Variants in JMJD6 observed in about 807,000 individuals in gnomAD.
The protein encoded by JMJD6 is bifunctional arginine demethylase and lysyl-hydroxylase JMJD6.
Under a neutral mutation model 45.8 loss-of-function variants are expected in JMJD6, and 17 were observed. That is an observed-to-expected ratio of 0.37 (90% CI 0.25 to 0.56). The LOEUF (loss-of-function observed/expected upper bound fraction) is 0.56, where lower values mean the gene tolerates loss of function less well. Ranked by LOEUF, JMJD6 falls within the 20% of genes least tolerant of loss-of-function variation. The probability of loss-of-function intolerance (pLI) is 0.79; values close to 1 mark genes in which losing one functional copy is unlikely to be tolerated. For synonymous variants in JMJD6, 221 were observed against 196.3 expected (o/e 1.13, Z -1.05); for missense variants, 470 against 517.5 (o/e 0.91, Z 0.89).
chr17:76,721,202 C>T (rs1274353141), intron 4 of JMJD6: 4 of 296,126 alleles, frequency 1.4e-5, no homozygotes, highest in African/African-American at 8.6e-5. Flanking sequence ...GAAGCCACCA[C>T]CCTTACTGGC....
downstream of JMJD6, chr17:76,714,635 A>C (rs1216574331): frequency 6.6e-6 from 1 of 152,414 alleles, no homozygotes; most frequent in Admixed American, 6.6e-5. Flanking sequence ...CTGGCCTGGC[A>C]GGAATAAACA....
At position 76,723,897 on chromosome 17, in the gene JMJD6, T is replaced by C. The variant is rs771821753; in HGVS notation, c.680A>G (p.Asn227Ser). 1.9e-6 allele frequency: 3 copies of C among 1,614,128 alleles called. No individual in the cohort carries two copies. In the South Asian group the frequency reaches 3.3e-5, roughly 18 times the overall value. Residue 227 changes from asparagine to serine, a missense_variant, in exon 3 of 6, where the codon AAC becomes AGC. By Grantham distance (46) the Asn-to-Ser change is conservative. Around this residue, in one of 4 missense-constraint regions of JMJD6, gnomAD observed 346 missense variants for 339.5 expected, o/e 1.02. Coordinates refer to ENST00000397625, the MANE Select transcript of JMJD6 (RefSeq NM_015167.3). The stretch of plus-strand genomic sequence containing the variant: ...CCAGGTAATAGCTTCGTCTTGCTGG[T>C]TCCCTCCTTCGTCTCGGGTCACTTT... ...LIKVTRDEGG[N>S]QQDEAITWFN...
In JMJD6 at chr17:76,726,543, C is replaced by G. The variant is rs767945332; in HGVS notation, c.-68G>C. 1.3e-6 allele frequency: 2 copies of G among 1,513,858 alleles called. No individual in the cohort carries two copies. The highest frequency in any genetic ancestry group is 1.8e-6 in the Non-Finnish European group (2 of 1,136,294). The allele number at this position is 1,513,858 out of a possible 1,614,324, so 93.8% of individuals were successfully genotyped here. On this transcript the variant is annotated 5_prime_UTR_variant, in exon 1 of 6. Coordinates refer to ENST00000397625, the MANE Select transcript of JMJD6 (RefSeq NM_015167.3). The stretch of plus-strand genomic sequence containing the variant: ...CCCGCTTCCTGACACTAACGCACCC[C>G]TCCCCGGCCTGGGCGGCGGCGACGG...
In JMJD6 at chr17:76,720,568, C is replaced by T. The variant is rs146327742; in HGVS notation, c.942-70G>A. ...CCACTCACAAAGACTCACTCAGAGT[C>T]GAGGCCTGTGTCTCTCAGAAACACC... On this transcript the variant is annotated intron_variant, in intron 4 of 5. Coordinates refer to ENST00000397625, the MANE Select transcript of JMJD6 (RefSeq NM_015167.3). 1,374 of 1,524,532 alleles carry T rather than the reference C, an allele frequency of 9.0e-4. 13 individuals are homozygous for T. In the East Asian group the frequency reaches 0.023, roughly 26 times the overall value. 94.4% of individuals were successfully genotyped at this position (1,524,532 alleles called of 1,614,324 possible). A position where few individuals can be genotyped will look rare whatever the true frequency, so the allele number is the denominator to read the frequency against.
chr17:76,722,809 G>A (rs1476300631), intron 3 of JMJD6, among the ~76,000 whole-genome samples: 4 of 119,038 alleles, frequency 3.4e-5, no homozygotes, highest in African/African-American at 1.3e-4. Context: ...TTGTGCCATT[G>A]TGCTCCAGCC....
intron 4 of JMJD6, among the ~76,000 whole-genome samples, chr17:76,721,060 C>T (rs956165620): frequency 6.6e-6 from 1 of 152,238 alleles, no homozygotes; most frequent in African/African-American, 2.4e-5. Context: ...GAAACCTTAT[C>T]TGGCATCCAC....
chr17:76,722,353 C>T (rs1326080962), intron 3 of JMJD6, among the ~76,000 whole-genome samples: 1 of 152,212 alleles, frequency 6.6e-6, no homozygotes, highest in Admixed American at 6.5e-5. Context: ...TACTTTCCTT[C>T]ACTTATCAAA....
chr17:76,716,700 G>C, downstream of JMJD6: 1 of 1,614,052 alleles, frequency 6.2e-7, no homozygotes, highest in Non-Finnish European at 8.5e-7. Flanking sequence ...GGGTGAGCCC[G>C]GCCTCCACAA....
At chr17:76,716,520 G>A, downstream of JMJD6, 1 of 629,338 alleles carries the variant, frequency 1.6e-6, no homozygotes, top group Non-Finnish European at 2.9e-6. Context: ...TCCTTAGGAA[G>A]CAGTAAAAAC....
Position 76,725,498 on chromosome 17 carries a change from A to G in JMJD6, c.487T>C (p.Tyr163His), listed in dbSNP as rs2076906217. The G allele has an allele frequency of 6.2e-7, 1 of 1,613,744 alleles. No homozygotes were observed. ...PKFFTDDLFQYAGEKRRPPYR... is the reference protein window; with the variant it reads ...PKFFTDDLFQHAGEKRRPPYR... ...GGGGGCCTGCGCTTCTCCCCAGCAT[A>G]CTGGAAAAGGTCATCAGTGAAAAAC... Residue 163 changes from tyrosine (Y) to histidine (H), a missense_variant, in exon 2 of 6, where the codon TAT becomes CAT. Transcript: ENST00000397625.
chr17:76,722,280 G>C (rs2076835089), intron 3 of JMJD6, among the ~76,000 whole-genome samples: 2 of 152,204 alleles, frequency 1.3e-5, no homozygotes, highest in South Asian at 4.1e-4. Context: ...ATGACCAAAA[G>C]TGCAAAAGCA....
In JMJD6 at chr17:76,723,971, G is replaced by A. The variant is rs2076862285; in HGVS notation, c.606C>T (p.Gly202=). The change falls in exon 3 of 6, where the codon GGC becomes GGT. Residue 202 remains glycine, a synonymous_variant. Coordinates refer to ENST00000397625, the MANE Select transcript of JMJD6 (RefSeq NM_015167.3). ...TAGGAAACAGGCACCAGCGCTTGTG[G>A]CCCTGAACTAAGGCATTCCAGGCAC... ...GTSAWNALVQ[G]HKRWCLFPTS... 6.2e-7 allele frequency: 1 copy of A among 1,613,978 alleles called. No individual in the cohort carries two copies. The highest frequency in any genetic ancestry group is 8.5e-7 in the Non-Finnish European group (1 of 1,180,020).
chr17:76,722,332 T>C (rs556150323), intron 3 of JMJD6, among the ~76,000 whole-genome samples: 124 of 152,368 alleles, frequency 8.1e-4, no homozygotes, highest in African/African-American at 2.9e-3. Context: ...CTACTTTAAA[T>C]ACACTTACCT....
rs779952292 is a variant in JMJD6, at chr17:76,718,661, G to A, written c.*68C>T. 1 of 1,574,654 alleles carries A rather than the reference G, an allele frequency of 6.4e-7. No homozygotes were observed. The highest frequency in any genetic ancestry group is 8.6e-7 in the Non-Finnish European group (1 of 1,161,116). On this transcript the variant is annotated 3_prime_UTR_variant, in exon 6 of 6. Transcript: ENST00000397625. ...CTCCCCTTGTCTGCAGGACTGGACA[G>A]GCCACCCTCCCCAGGCCCTGCCCTT...
At chr17:76,721,973 C>CA (rs1442223705) in intron 3 of JMJD6, 40 bp from the exon 4 acceptor site, 3 of 1,608,936 alleles carry the variant, frequency 1.9e-6, no homozygotes, top group African/African-American at 1.3e-5. Flanking sequence ...AGGTTTGATC[C>CA]TATACCTAAT....
chr17:76,718,831 T>G lies in JMJD6; in HGVS notation c.1110A>C (p.Thr370=). 1 of 1,614,174 alleles carries G rather than the reference T, an allele frequency of 6.2e-7. No homozygotes were observed. ...ECESGSEGDG[T]VHRRKKRRTC... ...TCCTCCTCTTCTTCCTGCGGTGCAC[T>G]GTCCCATCGCCCTCGGATCCAGACT... Residue 370 remains threonine, a synonymous_variant, in exon 6 of 6, where the codon ACA becomes ACC. Transcript: ENST00000397625.
chr17:76,726,267 C>G (rs967404356), intron 1 of JMJD6, 80 bp downstream of exon 1: 18 of 1,469,742 alleles, frequency 1.2e-5, no homozygotes, highest in African/African-American at 3.0e-5. Context: ...GGGGCGAGGG[C>G]AGCCTCGGGC....
At chr17:76,719,847 C>T (rs2076800916) in intron 5 of JMJD6, among the ~76,000 whole-genome samples, 1 of 152,176 alleles carries the variant, frequency 6.6e-6, no homozygotes, top group African/African-American at 2.4e-5. Flanking sequence ...CTTAGCCGGG[C>T]GCTGTGGCTC....
At chr17:76,724,165 G>A in intron 2 of JMJD6, 107 bp from the exon 3 acceptor site, 3 of 1,241,794 alleles carry the variant, frequency 2.4e-6, no homozygotes, top group South Asian at 2.9e-5. Context: ...CTATCACCCA[G>A]GCTGGAATGC....
Sources: gnomAD v4.1 joint callset for allele counts (sites outside exome capture counted in the v4.1 genomes callset) on GRCh38, gnomAD v4.1.1 for gene constraint, gnomAD v4.1.1 regional missense constraint, MANE v1.5 for transcripts, NCBI Gene and HGNC (gene_info 2026-07-23, HGNC 2026-07-21) for gene names.